SMG5: variants seen among roughly 807,000 people sequenced by gnomAD.
SMG5 encodes nonsense-mediated mRNA decay factor SMG5.
In SMG5, 53 loss-of-function variants were observed where a neutral mutation model predicts 122.9. That is an observed-to-expected ratio of 0.43 (90% confidence interval 0.35 to 0.54). SMG5 has a LOEUF of 0.54. Ranked by LOEUF, SMG5 falls within the 20% of genes least tolerant of loss-of-function variation. SMG5 has a pLI of 0.01. For missense variants in SMG5, 1,153 were observed against 1,285.6 expected (o/e 0.90, Z 1.58); for synonymous variants, 477 against 490.2 (o/e 0.97, Z 0.35).
At chr1:156,264,181 T>C (rs1034680489) in intron 12 of SMG5, among the ~76,000 whole-genome samples, 12 of 142,624 alleles carry the variant, frequency 8.4e-5, no homozygotes, top group East Asian at 2.1e-4. Flanking sequence ...GGCAGGAGAA[T>C]TGCTTGAACC....
chr1:156,278,803 A>C, intron 2 of SMG5, 133 bp downstream of exon 2: 1 of 711,120 alleles, frequency 1.4e-6, no homozygotes, highest in Non-Finnish European at 2.5e-6. Context: ...GGAAGGCCAG[A>C]GATTTCAGAG....
chr1:156,261,943 C>A (rs1661860714), intron 13 of SMG5, among the ~76,000 whole-genome samples: 3 of 151,168 alleles, frequency 2.0e-5, no homozygotes, highest in Non-Finnish European at 2.9e-5. Flanking sequence ...GCGCTTGTAG[C>A]CCCAGCTACT....
intron 12 of SMG5, among the ~76,000 whole-genome samples, chr1:156,263,901 T>C (rs916407708): frequency 6.6e-6 from 1 of 152,186 alleles, no homozygotes; most frequent in East Asian, 1.9e-4. Flanking sequence ...ATGCCTACTC[T>C]GTGCTGGAAG....
intron 17 of SMG5, 134 bp from the exon 18 acceptor site, chr1:156,253,212 G>A: frequency 9.2e-7 from 1 of 1,084,020 alleles, no homozygotes; most frequent in Non-Finnish European, 1.3e-6. Context: ...TCTACCAATG[G>A]CTTTGGGGGA....
At chr1:156,260,774 A>G in intron 14 of SMG5, 148 bp from the exon 15 acceptor site, 1 of 662,738 alleles carries the variant, frequency 1.5e-6, no homozygotes, top group South Asian at 3.5e-5. Flanking sequence ...GAGGGAGTGA[A>G]GTAAAGAGAG....
chr1:156,253,345 G>T lies in SMG5; in HGVS notation c.2502+104C>A, dbSNP rs750420998. 5.0e-6 allele frequency: 6 copies of T among 1,211,854 alleles called. No homozygotes were observed. In the South Asian group the frequency reaches 7.4e-5, roughly 15 times the overall value. The allele number at this position is 1,211,854 out of a possible 1,614,324, so 75.1% of individuals were successfully genotyped here. A position where few individuals can be genotyped will look rare whatever the true frequency, so the allele number is the denominator to read the frequency against. ...CTGGGAGAGGCGGAGGGACACAGAG[G>T]CAACAGAGCAGGGGGACTACAGCGG... On this transcript the variant is annotated intron_variant, in intron 17 of 21. Coordinates refer to ENST00000361813, the MANE Select transcript of SMG5 (RefSeq NM_015327.3).
chr1:156,265,721 G>C, intron 12 of SMG5, 60 bp downstream of exon 12: 1 of 1,565,530 alleles, frequency 6.4e-7, no homozygotes, highest in South Asian at 1.2e-5. Flanking sequence ...CGGCCTCTCT[G>C]GTGAGTGTCT....
Position 156,250,664 on chromosome 1 carries a change from G to C in SMG5, c.2974C>G (p.Leu992Val), listed in dbSNP as rs148949638. Residue 992 changes from leucine (L) to valine (V), a missense_variant, in exon 22 of 22, where the codon CTG (leucine) becomes GTG (valine). By Grantham distance (32) the Leu-to-Val change is conservative. Around this residue, in one of 5 missense-constraint regions of SMG5, gnomAD observed 84 missense variants for 82.3 expected, o/e 1.02. Coordinates refer to ENST00000361813, the MANE Select transcript of SMG5 (RefSeq NM_015327.3). ...ACACTGGCGTGGGCAGCGGCCTGCA[G>C]GGCTGCCTGTGGAATGGGAGAAGGA... ...SVLSGPMQAA[L>V]QAAAHASVDI... 2.2e-5 allele frequency: 36 copies of C among 1,614,090 alleles called. No homozygotes were observed. In the African/African-American group the frequency reaches 3.3e-4, roughly 15 times the overall value.
intron 12 of SMG5, among the ~76,000 whole-genome samples, chr1:156,265,331 A>ATT (rs1662076418): frequency 6.6e-6 from 1 of 152,132 alleles, no homozygotes; most frequent in Non-Finnish European, 1.5e-5. Flanking sequence ...CCCTAGAATG[A>ATT]TGCATAGAGT....
intron 1 of SMG5, among the ~76,000 whole-genome samples, chr1:156,281,845 C>T (rs907840057): frequency 6.6e-6 from 1 of 152,168 alleles, no homozygotes; most frequent in African/African-American, 2.4e-5. Context: ...CTGTTGCCAA[C>T]AGAGGGCTGA....
chr1:156,286,187 G>T, upstream of SMG5: 2 of 1,493,438 alleles, frequency 1.3e-6, no homozygotes, highest in East Asian at 2.3e-5. Flanking sequence ...CAGTGAATCT[G>T]CCCCCAGCTT....
At position 156,266,242 on chromosome 1, in the gene SMG5, G is replaced by A. The variant is rs746100628; in HGVS notation, c.1394C>T (p.Pro465Leu). Residue 465 changes from proline (P) to leucine (L), a missense_variant, in exon 12 of 22, where the codon CCA (proline) becomes CTA (leucine). By Grantham distance (98) the Pro-to-Leu change is moderately conservative. Transcript: ENST00000361813. ...RLSCLRRRRHPPKVGDDSDLS... is the reference protein window; with the variant it reads ...RLSCLRRRRHLPKVGDDSDLS... ...GTCACTGTCATCACCAACTTTGGGT[G>A]GGTGGCGGCGACGGCGGAGACAGGA... is the stretch of plus-strand genomic sequence containing the variant. 6.2e-7 allele frequency: 1 copy of A among 1,614,222 alleles called. No individual in the cohort carries two copies. The highest frequency in any genetic ancestry group is 1.1e-5 in the South Asian group (1 of 91,084).
Position 156,266,247 on chromosome 1 carries a change from GCGGCGA to G in SMG5, c.1383_1388del (p.Arg462_Arg463del). The G allele has an allele frequency of 6.2e-7, 1 of 1,614,220 alleles. No individual in the cohort carries two copies. Among genetic ancestry groups the G allele is most frequent in the Non-Finnish European group, 8.5e-7 (1 of 1,180,044 alleles). On this transcript the variant is annotated inframe_deletion, in exon 12 of 22. Transcript: ENST00000361813. The stretch of plus-strand genomic sequence containing the variant: ...TGTCATCACCAACTTTGGGTGGGTG[GCGGCGA>G]CGGCGGAGACAGGAGAGGCGAGAGA...
At chr1:156,264,267 CAAAAAAA>C (rs1205363773) in intron 12 of SMG5, among the ~76,000 whole-genome samples, 22 of 53,980 alleles carry the variant, frequency 4.1e-4, no homozygotes, top group East Asian at 2.7e-3. Flanking sequence ...GACTCCGTCT[CAAAAAAA>C]AAAAAAAAAA....
rs1016305720 is a variant in SMG5 at position 156,260,349 on chromosome 1, G to C, written c.2283+102C>G. 1.0e-5 allele frequency: 14 copies of C among 1,355,586 alleles called. No individual in the cohort carries two copies. The Middle Eastern group carries it at 9.0e-4, about 87-fold the overall frequency. The allele number at this position is 1,355,586 out of a possible 1,614,324, so 84.0% of individuals were successfully genotyped here. A position where few individuals can be genotyped will look rare whatever the true frequency, so the allele number is the denominator to read the frequency against. On this transcript the variant is annotated intron_variant, in intron 15 of 21. Coordinates refer to ENST00000361813, the MANE Select transcript of SMG5 (RefSeq NM_015327.3). Reference sequence around the variant, plus strand: ...CCCCAAGGACACTGTCCCTGTCTGAGTGGAAGAGGGCATCCTGCCCCCTCC... The same window carrying C: ...CCCCAAGGACACTGTCCCTGTCTGACTGGAAGAGGGCATCCTGCCCCCTCC...
Position 156,252,446 on chromosome 1 carries a change from C to G in SMG5, c.2721G>C (p.Arg907=), listed in dbSNP as rs369318062. The change falls in exon 19 of 22, where the codon CGG becomes CGC. Residue 907 remains arginine, a synonymous_variant. Transcript: ENST00000361813. ...CTTTTTTAAACTCTGCCTCCAGGTA[C>G]CGAATCCCATCCCGGGCCCCTGGGT... ...KEHPGARDGI[R]YLEAEFKKGN... is the part of the protein sequence containing the mutation. The G allele has an allele frequency of 2.2e-5, 36 of 1,613,866 alleles. No individual in the cohort carries two copies. The East Asian group carries it at 3.6e-4, about 16-fold the overall frequency.
intron 5 of SMG5, 152 bp from the exon 6 acceptor site, chr1:156,273,602 T>C (rs1662538466): frequency 3.1e-6 from 2 of 653,310 alleles, no homozygotes; most frequent in Non-Finnish European, 5.3e-6. Flanking sequence ...TCTGGCACAG[T>C]CCTAAATCTG....
chr1:156,287,672 A>C (rs1323484541), upstream of SMG5, among the ~76,000 whole-genome samples: 1 of 147,210 alleles, frequency 6.8e-6, no homozygotes, highest in Non-Finnish European at 1.5e-5. Flanking sequence ...TGGAGAGTAC[A>C]ATGGCAGGAT....
chr1:156,274,462 G>T, intron 5 of SMG5, 135 bp downstream of exon 5: 2 of 727,966 alleles, frequency 2.7e-6, no homozygotes, highest in East Asian at 5.5e-5. Flanking sequence ...TGAAACAGAT[G>T]GGAGGGAAAA....
Sources: gnomAD v4.1 joint callset for allele counts (sites outside exome capture counted in the v4.1 genomes callset) on GRCh38, gnomAD v4.1.1 for gene constraint, gnomAD v4.1.1 regional missense constraint, MANE v1.5 for transcripts, NCBI Gene and HGNC (gene_info 2026-07-23, HGNC 2026-07-21) for gene names.